Variants in UNC13C observed in about 807,000 individuals in gnomAD.
UNC13C encodes the protein protein unc-13 homolog C.
UNC13C carries 174 observed loss-of-function variants against 245.4 expected under a neutral mutation model. That is an observed-to-expected ratio of 0.71 (90% CI 0.63 to 0.80). UNC13C has a LOEUF of 0.80. UNC13C is among the 30% of genes least tolerant of loss of function. UNC13C has a pLI of 0.00. For synonymous variants in UNC13C, 992 were observed against 895.1 expected (o/e 1.11, Z -1.93); for missense variants, 2,829 against 2,602.9 (o/e 1.09, Z -1.89).
intron 4 of UNC13C, among the ~76,000 whole-genome samples, chr15:54,155,394 A>G (rs944828386): frequency 1.3e-5 from 2 of 152,184 alleles, no homozygotes; most frequent in Admixed American, 1.3e-4. Flanking sequence ...CTATTGTGAA[A>G]ACACGTCATA....
At chr15:54,110,737 G>A (rs1166533851) in intron 2 of UNC13C, among the ~76,000 whole-genome samples, 1 of 151,988 alleles carries the variant, frequency 6.6e-6, no homozygotes, top group Non-Finnish European at 1.5e-5. Flanking sequence ...AATTTTCTTT[G>A]GTACCAAATA....
chr15:54,046,325 G>A (rs1241919222), intron 2 of UNC13C, among the ~76,000 whole-genome samples: 1 of 152,072 alleles, frequency 6.6e-6, no homozygotes, highest in African/African-American at 2.4e-5. Flanking sequence ...ATTCTCCATA[G>A]GGATTACATC....
At chr15:54,631,940 T>G (rs1012031239), downstream of UNC13C, 6 of 152,188 alleles carry the variant, frequency 3.9e-5, no homozygotes. Flanking sequence ...TTGTAAAATT[T>G]TACATTTCCA....
intron 14 of UNC13C, among the ~76,000 whole-genome samples, chr15:54,323,806 AT>A (rs1173947877): frequency 6.6e-6 from 1 of 152,076 alleles, no homozygotes; most frequent in African/African-American, 2.4e-5. Context: ...ATGCTGCACT[AT>A]GAAATTGTTT....
At chr15:54,133,683 A>G (rs1308336075) in intron 2 of UNC13C, among the ~76,000 whole-genome samples, 2 of 152,158 alleles carry the variant, frequency 1.3e-5, no homozygotes, top group African/African-American at 2.4e-5. Context: ...TTTTACCACA[A>G]TTTTACTAAG....
rs569184560 is a variant in UNC13C, at chr15:54,284,295, A to G, written c.3819-9600A>G. On this transcript the variant is annotated intron_variant, in intron 10 of 32. Transcript: ENST00000260323. The stretch of plus-strand genomic sequence containing the variant: ...TACAATAATTATGCCACTAATTCAA[A>G]CAAGTATATTTGTAATATCTAATGA... 2.0e-5 allele frequency among the ~76,000 whole-genome samples: 3 copies of G among 152,330 alleles called. No homozygotes were observed. The East Asian group carries it at 5.8e-4, about 29-fold the overall frequency.
chr15:54,027,914 G>A (rs770131934), intron 2 of UNC13C, among the ~76,000 whole-genome samples: 6 of 151,980 alleles, frequency 3.9e-5, no homozygotes, highest in African/African-American at 7.2e-5. Context: ...GAATAGAAGC[G>A]CCTTCTTCCC....
chr15:53,898,297 A>G, the UNC13C span, among the ~76,000 whole-genome samples: 1 of 152,182 alleles, frequency 6.6e-6, no homozygotes, highest in African/African-American at 2.4e-5. Flanking sequence ...TCTTTTAAAT[A>G]TGGTGCTAGT....
intron 19 of UNC13C, among the ~76,000 whole-genome samples, chr15:54,448,404 A>G (rs1341608392): frequency 1.3e-5 from 2 of 152,078 alleles, no homozygotes; most frequent in African/African-American, 4.8e-5. Context: ...ATTGTTTGGG[A>G]GTCTAAGTCT....
intron 2 of UNC13C, among the ~76,000 whole-genome samples, chr15:54,079,683 T>C (rs1897022): frequency 0.47 from 71,169 of 151,898 alleles, 18,629 homozygotes; most frequent in Non-Finnish European, 0.6. Context: ...CTGCTGAAGT[T>C]CTTTATCAGG....
chr15:54,244,510 T>C (rs1174777195), intron 7 of UNC13C, among the ~76,000 whole-genome samples: 1 of 152,170 alleles, frequency 6.6e-6, no homozygotes, highest in African/African-American at 2.4e-5. Context: ...CTGTGGAAAA[T>C]ATTCATGGTA....
chr15:54,062,830 C>G (rs563719086), intron 2 of UNC13C, among the ~76,000 whole-genome samples: 1 of 152,142 alleles, frequency 6.6e-6, no homozygotes, highest in Non-Finnish European at 1.5e-5. Context: ...AATAATTGAC[C>G]GCTGCAAATA....
At chr15:54,263,981 C>G (rs1485118659) in intron 8 of UNC13C, among the ~76,000 whole-genome samples, 187 bp from the exon 9 acceptor site, 3 of 152,002 alleles carry the variant, frequency 2.0e-5, no homozygotes, top group Non-Finnish European at 2.9e-5. Flanking sequence ...GCCAATAACA[C>G]AAAGGAGTAC....
intron 2 of UNC13C, among the ~76,000 whole-genome samples, chr15:54,109,263 TCCCTCTCCTC>T (rs377673283): frequency 0.014 from 1,720 of 126,702 alleles, 75 homozygotes; most frequent in African/African-American, 0.05. Flanking sequence ...TCCTTTCCTT[TCCCTCTCCTC>T]CCCTCCCCTC....
chr15:54,228,677 C>T (rs2035464089), intron 4 of UNC13C, among the ~76,000 whole-genome samples: 1 of 152,150 alleles, frequency 6.6e-6, no homozygotes, highest in Non-Finnish European at 1.5e-5. Context: ...GAATGGGAGT[C>T]TCAGAACTCT....
At chr15:54,184,871 T>A (rs1167859765) in intron 4 of UNC13C, among the ~76,000 whole-genome samples, 6 of 152,188 alleles carry the variant, frequency 3.9e-5, no homozygotes, top group Non-Finnish European at 5.9e-5. Context: ...TGAACTAGTT[T>A]ACAGTCCCAC....
intron 19 of UNC13C, among the ~76,000 whole-genome samples, chr15:54,454,263 G>A (rs1891347041): frequency 6.6e-6 from 1 of 151,984 alleles, no homozygotes; most frequent in South Asian, 2.1e-4. Flanking sequence ...ATCCCCAAGA[G>A]AAACTCTGTA....
intron 17 of UNC13C, among the ~76,000 whole-genome samples, chr15:54,381,319 T>A (rs2039719238): frequency 6.6e-6 from 1 of 152,166 alleles, no homozygotes; most frequent in Admixed American, 6.5e-5. Context: ...TGTCTGCTTT[T>A]ATATTAGCAC....
At chr15:53,942,052 G>T in the UNC13C span, among the ~76,000 whole-genome samples, 2 of 152,074 alleles carry the variant, frequency 1.3e-5, no homozygotes, top group Admixed American at 1.3e-4. Flanking sequence ...TCCCGTTACT[G>T]GATATATACC....
Sources: allele counts gnomAD v4.1 joint callset (sites outside exome capture counted in the v4.1 genomes callset), GRCh38; gene constraint gnomAD v4.1.1; transcripts MANE v1.5; gene names NCBI Gene and HGNC (gene_info 2026-07-23, HGNC 2026-07-21).